SPTB: variants seen among roughly 807,000 people sequenced by gnomAD.
The protein encoded by SPTB is spectrin beta, erythrocytic, also known as spectrin beta chain, erythrocytic.
In SPTB, 45 loss-of-function variants were observed where a neutral mutation model predicts 256.2. The observed-to-expected ratio is 0.18, with a 90% CI of 0.14 to 0.23. The LOEUF (loss-of-function observed/expected upper bound fraction) is 0.23, where lower values mean the gene tolerates loss of function less well. Among genes scored for constraint, SPTB ranks in the 10% least tolerant of loss-of-function variants. SPTB has a pLI of 1.00. For missense variants in SPTB, 2,715 were observed against 3,040.4 expected (o/e 0.89, Z 2.52); for synonymous variants, 1,231 against 1,243.1 (o/e 0.99, Z 0.21).
chr14:64,751,946 T>TAAAAA lies in SPTB; in HGVS notation c.6602+1590_6602+1591insTTTTT, dbSNP rs1566731898. The stretch of plus-strand genomic sequence containing the variant: ...AAAATGCAAAAAAAAAAAAAAAAAT[T>TAAAAA]AGCCAGGCGTGGTGGCACGTGCCTG... On this transcript the variant is annotated intron_variant, in intron 33 of 35. Coordinates refer to ENST00000644917, the MANE Select transcript of SPTB (RefSeq NM_001355436.2). Among the ~76,000 whole-genome samples, 49 of 90,482 alleles carry TAAAAA rather than the reference T, an allele frequency of 5.4e-4. 4 individuals are homozygous for TAAAAA. Among genetic ancestry groups the TAAAAA allele is most frequent in the African/African-American group, 1.7e-3 (39 of 22,740 alleles). The allele number at this position is 90,482 out of a possible 152,430, so 59.4% of individuals were successfully genotyped here.
chr14:64,761,630 G>C (rs889760072), intron 32 of SPTB, among the ~76,000 whole-genome samples: 3 of 152,182 alleles, frequency 2.0e-5, no homozygotes, highest in Non-Finnish European at 4.4e-5. Context: ...GAAGGGGAAT[G>C]GCAGTGTGCA....
At chr14:64,856,159 C>G (rs1450906905) in intron 1 of SPTB, among the ~76,000 whole-genome samples, 2 of 152,264 alleles carry the variant, frequency 1.3e-5, no homozygotes, top group Admixed American at 1.3e-4. Flanking sequence ...TCTGTAGCTC[C>G]TGCTGGCTTA....
intron 32 of SPTB, among the ~76,000 whole-genome samples, chr14:64,765,893 ATGTG>A (rs904377620): frequency 1.6e-5 from 2 of 121,546 alleles, no homozygotes; most frequent in African/African-American, 3.3e-5. Context: ...CGGTGTGTGC[ATGTG>A]TGTGTGTGTG....
At chr14:64,765,957 T>G (rs2139471529) in intron 32 of SPTB, among the ~76,000 whole-genome samples, 1 of 147,948 alleles carries the variant, frequency 6.8e-6, no homozygotes, top group African/African-American at 2.5e-5. Context: ...AGTGTGTGGA[T>G]GTGTGTGTAT....
At chr14:64,870,874 G>A (rs1357676294) in intron 1 of SPTB, among the ~76,000 whole-genome samples, 1 of 152,206 alleles carries the variant, frequency 6.6e-6, no homozygotes, top group Non-Finnish European at 1.5e-5. Flanking sequence ...AAGAGTAGAA[G>A]CAACCCAAGT....
At chr14:64,782,677 A>G in intron 19 of SPTB, 124 bp from the exon 20 acceptor site, 1 of 1,425,968 alleles carries the variant, frequency 7.0e-7, no homozygotes, top group Non-Finnish European at 9.7e-7. Flanking sequence ...TTCATAGAAC[A>G]TGGGTAAGAC....
chr14:64,831,122 C>T (rs1168670569), intron 1 of SPTB, among the ~76,000 whole-genome samples: 2 of 152,048 alleles, frequency 1.3e-5, no homozygotes, highest in Non-Finnish European at 1.5e-5. Context: ...GTGACCCATG[C>T]ACCAACTCCC....
intron 1 of SPTB, among the ~76,000 whole-genome samples, chr14:64,861,428 T>C (rs1351200149): frequency 6.6e-6 from 1 of 152,234 alleles, no homozygotes; most frequent in East Asian, 1.9e-4. Flanking sequence ...GTTCTTTGTA[T>C]GTGACAGGGC....
At chr14:64,801,708 G>A (rs1165450791) in intron 6 of SPTB, 46 bp downstream of exon 6, 2 of 1,561,950 alleles carry the variant, frequency 1.3e-6, no homozygotes, top group South Asian at 2.2e-5. Flanking sequence ...AATATTCCCA[G>A]GGAGGCTGTC....
intron 1 of SPTB, among the ~76,000 whole-genome samples, chr14:64,876,908 T>C (rs149794549): frequency 4.6e-5 from 7 of 152,218 alleles, no homozygotes; most frequent in Non-Finnish European, 7.4e-5. Context: ...TGAACTCGAG[T>C]AATAAGAAGT....
At position 64,795,072 on chromosome 14, in the gene SPTB, AG is replaced by A. The variant is rs1245525043; in HGVS notation, c.1644+264del. On this transcript the variant is annotated intron_variant, in intron 12 of 35. Transcript: ENST00000644917. The surrounding 1 kb of genome is among the most constrained non-coding windows in gnomAD (Gnocchi z 6.5). Reference sequence around the variant, plus strand: ...AATGTCTGTCTCTTCAAGGCCCTGAAGGTTGGCACCGGTGCTGCCACAAACC... The same window carrying A: ...AATGTCTGTCTCTTCAAGGCCCTGAAGTTGGCACCGGTGCTGCCACAAACC... 2.0e-5 allele frequency among the ~76,000 whole-genome samples: 3 copies of A among 152,166 alleles called. No homozygotes were observed. The highest frequency in any genetic ancestry group is 4.8e-5 in the African/African-American group (2 of 41,422).
rs772595446 is a variant in SPTB, at chr14:64,775,287, C to A, written c.4680G>T (p.Gly1560=). 7 of 1,613,522 alleles carry A rather than the reference C, an allele frequency of 4.3e-6. No individual in the cohort carries two copies. Among genetic ancestry groups the A allele is most frequent in the Middle Eastern group, 1.6e-4 (1 of 6,062 alleles). ...GCCTGTCCCAGGAGCTCTGCAGGTGCCCCAGGCGCTCCTCAAGGTCCTGGC... is the reference window on the plus strand; with the variant it reads ...GCCTGTCCCAGGAGCTCTGCAGGTGACCCAGGCGCTCCTCAAGGTCCTGGC... The part of the protein sequence containing the change: ...IDCQDLEERL[G]HLQSSWDRLR... The change falls in exon 23 of 36, where the codon GGG becomes GGT. Residue 1560 remains glycine, a synonymous_variant. Coordinates refer to ENST00000644917, the MANE Select transcript of SPTB (RefSeq NM_001355436.2). The surrounding 1 kb of genome is among the most constrained non-coding windows in gnomAD (Gnocchi z 5.0).
At position 64,786,659 on chromosome 14, in the gene SPTB, C is replaced by G; in HGVS notation, c.3306G>C (p.Gln1102His). ...SLPEAEQLLQ[Q>H]HAGIKDEIDG... is the part of the protein sequence containing the mutation. The stretch of plus-strand genomic sequence containing the variant: ...CAATCTCATCCTTGATACCTGCATG[C>G]TGCTGCAGGAGCTGCTCAGCCTCTG... Residue 1102 changes from glutamine to histidine, a missense_variant, in exon 16 of 36, where the codon CAG (glutamine) becomes CAC (histidine). By Grantham distance (24) the Gln-to-His change is conservative. This residue lies in a region of SPTB where 2,239 missense variants were observed against 2,384.4 expected (regional missense o/e 0.94). Transcript: ENST00000644917. This position sits in a 1 kb window ranked among gnomAD's most constrained non-coding sequence, Gnocchi z 5.6. The G allele has an allele frequency of 6.2e-7, 1 of 1,614,142 alleles. No homozygotes were observed. The highest frequency in any genetic ancestry group is 8.5e-7 in the Non-Finnish European group (1 of 1,179,988).
chr14:64,843,858 T>A (rs1213776681), intron 1 of SPTB, among the ~76,000 whole-genome samples: 1 of 152,064 alleles, frequency 6.6e-6, no homozygotes, highest in Non-Finnish European at 1.5e-5. Flanking sequence ...AATGCAGAAT[T>A]TACCCATTCT....
chr14:64,868,046 T>C (rs1202111042), intron 1 of SPTB, among the ~76,000 whole-genome samples: 2 of 152,066 alleles, frequency 1.3e-5, no homozygotes, highest in African/African-American at 4.8e-5. Context: ...TCGGAACAGA[T>C]TGTGGAGGCC....
intron 19 of SPTB, 150 bp from the exon 20 acceptor site, chr14:64,782,703 T>C: frequency 8.2e-7 from 1 of 1,217,992 alleles, no homozygotes; most frequent in East Asian, 2.4e-5. Context: ...TGAAATGAAC[T>C]CTGAATCCCC....
At chr14:64,842,638 G>T (rs918519065) in intron 1 of SPTB, among the ~76,000 whole-genome samples, 1 of 152,220 alleles carries the variant, frequency 6.6e-6, no homozygotes, top group African/African-American at 2.4e-5. Context: ...GGAGTATACA[G>T]GCTCTGAATC....
At chr14:64,799,431 G>A (rs2082838346) in intron 9 of SPTB, among the ~76,000 whole-genome samples, 1 of 152,194 alleles carries the variant, frequency 6.6e-6, no homozygotes, top group South Asian at 2.1e-4. Context: ...GACCAGAGAG[G>A]AGCTTTCCAG....
In SPTB at chr14:64,787,020, T is replaced by C; in HGVS notation, c.2945A>G (p.Asp982Gly). The C allele has an allele frequency of 6.2e-7, 1 of 1,614,010 alleles. No homozygotes were observed. The highest frequency in any genetic ancestry group is 8.5e-7 in the Non-Finnish European group (1 of 1,179,994). Residue 982 changes from aspartate to glycine, a missense_variant, in exon 16 of 36, where the codon GAC (aspartate) becomes GGC (glycine). By Grantham distance (94) the Asp-to-Gly change is moderately conservative. This residue lies in a region of SPTB where 2,239 missense variants were observed against 2,384.4 expected (regional missense o/e 0.94). Coordinates refer to ENST00000644917, the MANE Select transcript of SPTB (RefSeq NM_001355436.2). ...DKTKVVESTK[D>G]LGRDLAGIIA... ...GATACCTGCCAGGTCCCGCCCCAGG[T>C]CTTTTGTGGACTCCACTACCTTTGT...
Sources: allele counts gnomAD v4.1 joint callset (sites outside exome capture counted in the v4.1 genomes callset), GRCh38; gene constraint gnomAD v4.1.1; regional missense constraint gnomAD v4.1.1; non-coding constraint Gnocchi (gnomAD v3.1); transcripts MANE v1.5; gene names NCBI Gene and HGNC (gene_info 2026-07-23, HGNC 2026-07-21).